XRCC4: variants seen among roughly 807,000 people sequenced by gnomAD.
XRCC4 encodes DNA repair protein XRCC4.
A neutral mutation model predicts 39.1 loss-of-function variants in XRCC4; 28 were observed. The observed-to-expected ratio is 0.72, with a 90% confidence interval of 0.53 to 0.98. The LOEUF (loss-of-function observed/expected upper bound fraction) is 0.98. Among genes scored for constraint, XRCC4 ranks in the 50% least tolerant of loss-of-function variants. The pLI, the probability that XRCC4 is intolerant of heterozygous loss-of-function variation, is 0.00. For synonymous variants in XRCC4, 123 were observed against 126.4 expected, an observed-to-expected ratio of 0.97 and a Z score of 0.18; for missense variants, 350 against 376.4, an observed-to-expected ratio of 0.93 and a Z score of 0.58.
At chr5:83,210,167 A>G (rs891739274) in intron 6 of XRCC4, among the ~76,000 whole-genome samples, 1 of 152,178 alleles carries the variant, frequency 6.6e-6, no homozygotes, top group African/African-American at 2.4e-5. Context: ...GTGAATGTCT[A>G]CTCACAGAGG....
chr5:83,294,268 A>G (rs2112983960), intron 7 of XRCC4, among the ~76,000 whole-genome samples: 1 of 152,152 alleles, frequency 6.6e-6, no homozygotes, highest in South Asian at 2.1e-4. Flanking sequence ...GCCAAATAGT[A>G]TTTTGTGCCA....
intron 7 of XRCC4, among the ~76,000 whole-genome samples, chr5:83,296,803 CAG>C (rs922491725): frequency 7.2e-4 from 110 of 151,768 alleles, no homozygotes; most frequent in African/African-American, 2.6e-3. Flanking sequence ...AAAAAAGTAA[CAG>C]AGATTAAAAT....
At chr5:83,089,920 C>T (rs1178282846) in intron 1 of XRCC4, among the ~76,000 whole-genome samples, 1 of 152,034 alleles carries the variant, frequency 6.6e-6, no homozygotes, top group Non-Finnish European at 1.5e-5. Context: ...TAGGAACAGC[C>T]AAATGAGAGA....
At chr5:83,373,773 A>T in the XRCC4 span, among the ~76,000 whole-genome samples, 1 of 152,182 alleles carries the variant, frequency 6.6e-6, no homozygotes, top group Non-Finnish European at 1.5e-5. Flanking sequence ...AGAAGATAAC[A>T]GTATTTACCC....
intron 3 of XRCC4, among the ~76,000 whole-genome samples, chr5:83,171,077 TG>T (rs1749700398): frequency 6.6e-6 from 1 of 152,136 alleles, no homozygotes; most frequent in Non-Finnish European, 1.5e-5. Context: ...CTAATAGACC[TG>T]CACTCATTCC....
chr5:83,110,760 T>C (rs74664710), intron 2 of XRCC4, among the ~76,000 whole-genome samples: 4,566 of 152,164 alleles, frequency 0.03, 197 homozygotes, highest in African/African-American at 0.1. Context: ...CTGTAATAAT[T>C]TACAATGCGT....
chr5:83,125,848 T>G (rs1403296280), intron 3 of XRCC4, among the ~76,000 whole-genome samples: 1 of 152,090 alleles, frequency 6.6e-6, no homozygotes, highest in Non-Finnish European at 1.5e-5. Context: ...CCAGGTGTGG[T>G]GGCGCATTCC....
intron 1 of XRCC4, among the ~76,000 whole-genome samples, chr5:83,101,689 G>A (rs559642662): frequency 6.6e-6 from 1 of 152,148 alleles, no homozygotes; most frequent in African/African-American, 2.4e-5. Flanking sequence ...AGACTATACA[G>A]GTCTATGCCT....
At chr5:83,350,649 T>C (rs952429062) in intron 7 of XRCC4, among the ~76,000 whole-genome samples, 1 of 152,194 alleles carries the variant, frequency 6.6e-6, no homozygotes, top group Non-Finnish European at 1.5e-5. Flanking sequence ...AAGTTCCATA[T>C]AGATTCTGGA....
intron 3 of XRCC4, among the ~76,000 whole-genome samples, chr5:83,142,093 A>G (rs375788193): frequency 1.1e-4 from 16 of 152,190 alleles, no homozygotes; most frequent in African/African-American, 3.9e-4. Context: ...TCATTATTAC[A>G]TTTACATTGA....
At chr5:83,233,902 C>CAAAA (rs10629125) in intron 6 of XRCC4, among the ~76,000 whole-genome samples, 2,360 of 77,808 alleles carry the variant, frequency 0.03, 49 homozygotes, top group East Asian at 0.076. Context: ...GACTTCATCT[C>CAAAA]AAAAAAAAAA....
chr5:83,222,240 ACTTT>A (rs1487757459), intron 6 of XRCC4, among the ~76,000 whole-genome samples: 2 of 151,870 alleles, frequency 1.3e-5, no homozygotes, highest in Non-Finnish European at 2.9e-5. Flanking sequence ...AACTATTCCA[ACTTT>A]CTTCATTATT....
chr5:83,132,184 T>G (rs1747627074), intron 3 of XRCC4, among the ~76,000 whole-genome samples: 1 of 152,238 alleles, frequency 6.6e-6, no homozygotes, highest in Admixed American at 6.5e-5. Flanking sequence ...AAAATTCTTT[T>G]CTTTAAGAAT....
intron 7 of XRCC4, among the ~76,000 whole-genome samples, chr5:83,264,844 T>C (rs760328658): frequency 3.3e-5 from 5 of 152,204 alleles, no homozygotes; most frequent in Non-Finnish European, 7.4e-5. Context: ...TAATACTTTA[T>C]ATATAGAGAG....
downstream of XRCC4, among the ~76,000 whole-genome samples, chr5:83,354,568 C>A (rs1455523473): frequency 1.3e-5 from 2 of 152,148 alleles, no homozygotes; most frequent in African/African-American, 4.8e-5. Context: ...TGTATTAAAT[C>A]TTGATACATC....
intron 3 of XRCC4, among the ~76,000 whole-genome samples, chr5:83,155,444 G>A (rs1748913222): frequency 1.3e-5 from 2 of 152,134 alleles, no homozygotes; most frequent in Non-Finnish European, 2.9e-5. Flanking sequence ...GTATGTGCAG[G>A]CATTGATTTT....
At chr5:83,371,056 C>T in the XRCC4 span, among the ~76,000 whole-genome samples, 11 of 152,180 alleles carry the variant, frequency 7.2e-5, no homozygotes, top group Admixed American at 7.2e-4. Flanking sequence ...TCCTCTTTGT[C>T]ATCCACTCTG....
intron 7 of XRCC4, among the ~76,000 whole-genome samples, chr5:83,261,197 C>T (rs551087756): frequency 6.6e-6 from 1 of 151,922 alleles, no homozygotes; most frequent in African/African-American, 2.4e-5. Flanking sequence ...AAAAATAAGC[C>T]TTAGCTCTTA....
intron 3 of XRCC4, among the ~76,000 whole-genome samples, chr5:83,192,586 C>T (rs566543763): frequency 6.6e-6 from 1 of 152,196 alleles, no homozygotes; most frequent in African/African-American, 2.4e-5. Context: ...GCTAGGATTA[C>T]AAGCTGGAGC....
Sources: allele counts gnomAD v4.1 joint callset (sites outside exome capture counted in the v4.1 genomes callset), GRCh38; gene constraint gnomAD v4.1.1; transcripts MANE v1.5; gene names NCBI Gene and HGNC (gene_info 2026-07-23, HGNC 2026-07-21).